The following DDX21 variants were observed in gnomAD, a reference collection of about 807,000 sequenced individuals.
The protein encoded by DDX21 is nucleolar RNA helicase 2.
A neutral mutation model predicts 90.0 loss-of-function variants in DDX21; 18 were observed. That is an observed-to-expected ratio of 0.20 (90% CI 0.14 to 0.30). The LOEUF is 0.30. DDX21 is among the 10% of genes least tolerant of loss of function. The pLI is 1.00. For synonymous variants in DDX21, 294 were observed against 318.0 expected, an observed-to-expected ratio of 0.92 and a Z score of 0.80; for missense variants, 673 against 944.5, an observed-to-expected ratio of 0.71 and a Z score of 3.77.
chr10:68,976,105 T>C (rs1843097044), intron 11 of DDX21, among the ~76,000 whole-genome samples: 1 of 151,020 alleles, frequency 6.6e-6, no homozygotes, highest in Non-Finnish European at 1.5e-5. Flanking sequence ...CAAGTGCCTG[T>C]AGTCCCAGCT....
intron 6 of DDX21, among the ~76,000 whole-genome samples, chr10:68,968,164 C>T (rs1444775605): frequency 1.3e-5 from 2 of 152,094 alleles, no homozygotes; most frequent in Admixed American, 6.5e-5. Flanking sequence ...TGTGCTCTAC[C>T]GCGGCCGCCC....
At position 68,982,958 on chromosome 10, in the gene DDX21, T is replaced by C; in HGVS notation, c.*146T>C. 1.0e-6 allele frequency: 1 copy of C among 962,892 alleles called. No individual in the cohort carries two copies. Among genetic ancestry groups the C allele is most frequent in the East Asian group, 2.6e-5 (1 of 37,894 alleles). 59.6% of individuals were successfully genotyped at this position (962,892 alleles called of 1,614,324 possible). On this transcript the variant is annotated 3_prime_UTR_variant, in exon 15 of 15. Coordinates refer to ENST00000354185, the MANE Select transcript of DDX21 (RefSeq NM_004728.4). The stretch of plus-strand genomic sequence containing the variant: ...CTGTCTCTTTCAGACACAGACAAGC[T>C]TCATTTAAATTATTTCATCTGATCA...
chr10:68,978,663 C>T (rs1589289328), intron 12 of DDX21, among the ~76,000 whole-genome samples, 179 bp from the exon 13 acceptor site: 3 of 152,200 alleles, frequency 2.0e-5, no homozygotes, highest in South Asian at 4.1e-4. Flanking sequence ...GTACAATCAA[C>T]CAGTCTTACT....
At position 68,983,153 on chromosome 10, in the gene DDX21, C is replaced by G; in HGVS notation, c.*341C>G. The G allele has an allele frequency of 3.6e-6, 1 of 275,804 alleles. No individual in the cohort carries two copies. The highest frequency in any genetic ancestry group is 7.0e-6 in the Non-Finnish European group (1 of 141,944). 17.1% of individuals were successfully genotyped at this position (275,804 alleles called of 1,614,324 possible). ...CCTGTCTTTATACTCAAAAGTGTCC[C>G]TTAATAGTGTCCTTCCCTGAAATAA... On this transcript the variant is annotated 3_prime_UTR_variant, in exon 15 of 15. Coordinates refer to ENST00000354185, the MANE Select transcript of DDX21 (RefSeq NM_004728.4).
chr10:68,967,296 C>T, intron 6 of DDX21, 93 bp downstream of exon 6: 2 of 1,284,374 alleles, frequency 1.6e-6, no homozygotes, highest in Non-Finnish European at 1.1e-6. Flanking sequence ...GCCTCAGCCA[C>T]CCTAGTAACT....
intron 6 of DDX21, 125 bp from the exon 7 acceptor site, chr10:68,968,851 C>T: frequency 1.9e-6 from 2 of 1,067,770 alleles, no homozygotes; most frequent in Non-Finnish European, 2.6e-6. Flanking sequence ...GTCCTCAGTG[C>T]CCGACTTGGC....
In DDX21 at chr10:68,959,930, C is replaced by A; in HGVS notation, c.212C>A (p.Ser71Tyr). The change falls in exon 2 of 15, where the codon TCT (serine) becomes TAT (tyrosine). Residue 71 changes from serine (S) to tyrosine (Y), a missense_variant. By Grantham distance (144) the Ser-to-Tyr change is moderately radical. Transcript: ENST00000354185. ...GAGCCTTCTGAAGTTGACATGAATTCTCCTAAATCCAAAAAGGCAAAAAAG... is the reference window on the plus strand; with the variant it reads ...GAGCCTTCTGAAGTTGACATGAATTATCCTAAATCCAAAAAGGCAAAAAAG... Reference protein sequence around the residue: ...KAEPSEVDMNSPKSKKAKKKE... With the variant: ...KAEPSEVDMNYPKSKKAKKKE... The A allele has an allele frequency of 6.2e-6, 10 of 1,610,240 alleles. No individual in the cohort carries two copies. Among genetic ancestry groups the A allele is most frequent in the Non-Finnish European group, 8.5e-6 (10 of 1,179,444 alleles).
In DDX21 at chr10:68,968,961, TCCCCCTCC is replaced by T. The variant is rs1589285796; in HGVS notation, c.1091-14_1091-7del. On this transcript the variant is annotated splice_polypyrimidine_tract_variant and splice_region_variant and intron_variant, in intron 6 of 14. Coordinates refer to ENST00000354185, the MANE Select transcript of DDX21 (RefSeq NM_004728.4). The stretch of plus-strand genomic sequence containing the variant: ...GGATTATTCATACTGACTTTTTTTT[TCCCCCTCC>T]TCAAAGATTCTGAAGACAATCCCCA... 9 of 1,611,032 alleles carry T rather than the reference TCCCCCTCC, an allele frequency of 5.6e-6. No individual in the cohort carries two copies. The highest frequency in any genetic ancestry group is 1.7e-4 in the Middle Eastern group (1 of 6,052).
In DDX21 at chr10:68,983,027, T is replaced by A; in HGVS notation, c.*215T>A. On this transcript the variant is annotated 3_prime_UTR_variant, in exon 15 of 15. Coordinates refer to ENST00000354185, the MANE Select transcript of DDX21 (RefSeq NM_004728.4). The stretch of plus-strand genomic sequence containing the variant: ...TTGTTACTTCTTCATCAGTTTTTCC[T>A]TTTGAAAGGTGTATGAATTCATTAC... 1 of 647,530 alleles carries A rather than the reference T, an allele frequency of 1.5e-6. No individual in the cohort carries two copies. Among genetic ancestry groups the A allele is most frequent in the Non-Finnish European group, 2.6e-6 (1 of 387,720 alleles). The allele number at this position is 647,530 out of a possible 1,614,324, so 40.1% of individuals were successfully genotyped here. A position where few individuals can be genotyped will look rare whatever the true frequency, so the allele number is the denominator to read the frequency against.
intron 11 of DDX21, 82 bp downstream of exon 11, chr10:68,974,825 T>C: frequency 1.6e-6 from 2 of 1,243,662 alleles, no homozygotes; most frequent in East Asian, 2.7e-5. Context: ...AGATTTGACT[T>C]AAAAAAATTT....
chr10:68,958,623 G>A (rs1181897814), intron 1 of DDX21, among the ~76,000 whole-genome samples: 1 of 152,036 alleles, frequency 6.6e-6, no homozygotes, highest in African/African-American at 2.4e-5. Flanking sequence ...ACTTTTAGTA[G>A]AGATGAGATT....
At chr10:68,963,828 C>T (rs771225066) in intron 4 of DDX21, among the ~76,000 whole-genome samples, 9 of 151,854 alleles carry the variant, frequency 5.9e-5, no homozygotes, top group Non-Finnish European at 8.8e-5. Flanking sequence ...CATGAATGGG[C>T]GGTGGCTCAC....
chr10:68,956,457 C>T (rs553487021), intron 1 of DDX21, 145 bp downstream of exon 1: 2 of 1,479,128 alleles, frequency 1.4e-6, no homozygotes, highest in East Asian at 5.0e-5. Context: ...GGCGGGCGGT[C>T]GCCCAGGAGT....
intron 1 of DDX21, among the ~76,000 whole-genome samples, chr10:68,958,971 GCCTCTGTA>G (rs1842837701): frequency 6.6e-6 from 1 of 152,042 alleles, no homozygotes; most frequent in African/African-American, 2.4e-5. Flanking sequence ...CTATGATCAT[GCCTCTGTA>G]CCACAACCTG....
chr10:68,978,223 G>A (rs1410168564), intron 12 of DDX21, among the ~76,000 whole-genome samples: 1 of 152,156 alleles, frequency 6.6e-6, no homozygotes, highest in Non-Finnish European at 1.5e-5. Context: ...CTGTGTGGAG[G>A]GAGGAATGGC....
At chr10:68,956,796 A>G (rs1358519014) in intron 1 of DDX21, 1 of 977,604 alleles carries the variant, frequency 1.0e-6, no homozygotes, top group Non-Finnish European at 1.2e-6. Context: ...TAATCCCAAC[A>G]CTTTGGGAGG....
At position 68,973,445 on chromosome 10, in the gene DDX21, T is replaced by A; in HGVS notation, c.1549-100T>A. 2.0e-6 allele frequency: 3 copies of A among 1,479,530 alleles called. 1 individual carries two copies. The South Asian group carries it at 3.5e-5, about 17-fold the overall frequency. The allele number at this position is 1,479,530 out of a possible 1,614,324, so 91.7% of individuals were successfully genotyped here. On this transcript the variant is annotated intron_variant, in intron 9 of 14. Transcript: ENST00000354185. ...GACCTTCTCCCTCATGTCCCCAGGT[T>A]TATAACCACAATTGCTAGTGTTCAC...
intron 3 of DDX21, 34 bp from the exon 4 acceptor site, chr10:68,963,257 G>A (rs1842896180): frequency 1.3e-6 from 2 of 1,569,366 alleles, no homozygotes; most frequent in Non-Finnish European, 8.7e-7. Context: ...TTTAAGAATT[G>A]CAGTGTGAGA....
chr10:68,982,809 A>G lies in DDX21; in HGVS notation c.2349A>G (p.Gln783=), dbSNP rs1329440986. The stretch of plus-strand genomic sequence containing the variant: ...GGAGTTTCAGTAAAGCATTTGGTCA[A>G]TAATTAGAAATAGAAGATTTATATA... ...QKRSFSKAFG[Q] The change falls in exon 15 of 15, where the codon CAA becomes CAG. Residue 783 remains glutamine, a synonymous_variant. Transcript: ENST00000354185. 3.1e-6 allele frequency: 5 copies of G among 1,613,624 alleles called. No individual in the cohort carries two copies. In the Admixed American group the frequency reaches 5.0e-5, roughly 16 times the overall value.
Sources: gnomAD v4.1 joint callset for allele counts (sites outside exome capture counted in the v4.1 genomes callset) on GRCh38, gnomAD v4.1.1 for gene constraint, MANE v1.5 for transcripts, NCBI Gene and HGNC (gene_info 2026-07-23, HGNC 2026-07-21) for gene names.